The following MTIF3 variants were observed in gnomAD, a reference collection of about 807,000 sequenced individuals.
MTIF3 encodes the protein translation initiation factor IF-3, mitochondrial.
MTIF3 carries 13 observed loss-of-function variants against 20.7 expected under a neutral mutation model. That is an observed-to-expected ratio of 0.63 (90% confidence interval 0.41 to 1.00). The LOEUF (loss-of-function observed/expected upper bound fraction) is 1.00, where lower values mean the gene tolerates loss of function less well. Among genes scored for constraint, MTIF3 ranks in the 50% least tolerant of loss-of-function variants. MTIF3 has a pLI of 0.00. For missense variants in MTIF3, 295 were observed against 324.5 expected, an observed-to-expected ratio of 0.91 and a Z score of 0.70; for synonymous variants, 114 against 112.5, an observed-to-expected ratio of 1.01 and a Z score of -0.08.
chr13:27,450,414 C>T (rs1465474963), intron 1 of MTIF3, 95 bp downstream of exon 1: 2 of 152,336 alleles, frequency 1.3e-5, no homozygotes, highest in Non-Finnish European at 2.9e-5. Context: ...TAGCCCTGAC[C>T]TTCCGGGTGC....
At chr13:27,449,645 T>G (rs1016191935) in intron 1 of MTIF3, among the ~76,000 whole-genome samples, 9 of 152,252 alleles carry the variant, frequency 5.9e-5, no homozygotes, top group Admixed American at 5.9e-4. Flanking sequence ...CAGTTGACCT[T>G]TCCTTTAAAA....
Position 27,437,112 on chromosome 13 carries a change from T to C in MTIF3, c.618+4A>G. 1 of 1,613,280 alleles carries C rather than the reference T, an allele frequency of 6.2e-7. No individual in the cohort carries two copies. The highest frequency in any genetic ancestry group is 1.3e-5 in the African/African-American group (1 of 74,890). ...AAGCAGTGGCTTGTACCTTCTTTAC[T>C]TACCATTTCATTTTCTGACACGTCT... On this transcript the variant is annotated splice_donor_region_variant and intron_variant, in intron 4 of 4. Coordinates refer to ENST00000381120, the MANE Select transcript of MTIF3 (RefSeq NM_152912.5).
intron 1 of MTIF3, among the ~76,000 whole-genome samples, chr13:27,446,400 A>G (rs1405367940): frequency 6.6e-6 from 1 of 152,234 alleles, no homozygotes; most frequent in Admixed American, 6.5e-5. Context: ...TAAGAAACAA[A>G]TGCTGAAGTA....
Position 27,440,353 on chromosome 13 carries a change from T to C in MTIF3, c.96A>G (p.Thr32=), listed in dbSNP as rs1953963533. 6.2e-7 allele frequency: 1 copy of C among 1,614,254 alleles called. No individual in the cohort carries two copies. The highest frequency in any genetic ancestry group is 8.5e-7 in the Non-Finnish European group (1 of 1,180,044). ...CAATAGGGGACAACTGTGCTGGTGC[T>C]GTCTTTTGCAGGATGTGTTTACCAA... ...RCFGKHILQK[T]APAQLSPIAS... The change falls in exon 3 of 5, where the codon ACA becomes ACG. Residue 32 remains threonine, a synonymous_variant. Transcript: ENST00000381120.
chr13:27,442,086 C>A (rs1464776958), intron 2 of MTIF3, among the ~76,000 whole-genome samples: 2 of 152,204 alleles, frequency 1.3e-5, no homozygotes, highest in African/African-American at 4.8e-5. Context: ...TACCCAACCT[C>A]TCCACTTAGA....
At chr13:27,437,325 C>A in intron 3 of MTIF3, 52 bp from the exon 4 acceptor site, 1 of 1,504,076 alleles carries the variant, frequency 6.6e-7, no homozygotes, top group South Asian at 1.3e-5. Context: ...CACTGTGAAC[C>A]CTGAACTTCC....
chr13:27,436,004 T>C, intron 4 of MTIF3, 111 bp from the exon 5 acceptor site: 1 of 774,370 alleles, frequency 1.3e-6, no homozygotes, highest in Non-Finnish European at 2.1e-6. Flanking sequence ...CTGCTGTCGG[T>C]TAAGTGATTA....
In MTIF3 at chr13:27,440,333, G is replaced by A; in HGVS notation, c.116C>T (p.Pro39Leu). Residue 39 changes from proline (P) to leucine (L), a missense_variant, in exon 3 of 5, where the codon CCT becomes CTT. Transcript: ENST00000381120. Reference sequence around the variant, plus strand: ...GGAGAGTCTTGGGGCAGAAGCAATAGGGGACAACTGTGCTGGTGCTGTCTT... The same window carrying A: ...GGAGAGTCTTGGGGCAGAAGCAATAAGGGACAACTGTGCTGGTGCTGTCTT... Reference protein sequence around the residue: ...LQKTAPAQLSPIASAPRLSFL... With the variant: ...LQKTAPAQLSLIASAPRLSFL... 2 of 1,614,188 alleles carry A rather than the reference G, an allele frequency of 1.2e-6. No individual in the cohort carries two copies. Among genetic ancestry groups the A allele is most frequent in the South Asian group, 2.2e-5 (2 of 91,076 alleles).
chr13:27,441,192 A>T (rs1593193366), intron 2 of MTIF3: 1 of 152,370 alleles, frequency 6.6e-6, no homozygotes, highest in Middle Eastern at 3.4e-3. Flanking sequence ...TTCTAGGATC[A>T]ACTGTATTTC....
At chr13:27,448,572 C>T (rs1238589255) in intron 1 of MTIF3, among the ~76,000 whole-genome samples, 1 of 152,196 alleles carries the variant, frequency 6.6e-6, no homozygotes, top group Non-Finnish European at 1.5e-5. Context: ...GTGTACTCTC[C>T]ATAATGAGGC....
chr13:27,448,910 G>A (rs940394373), intron 1 of MTIF3, among the ~76,000 whole-genome samples: 1 of 152,058 alleles, frequency 6.6e-6, no homozygotes, highest in Admixed American at 6.5e-5. Context: ...GCCTGGTGGC[G>A]TGAGCCTGTA....
intron 3 of MTIF3, among the ~76,000 whole-genome samples, chr13:27,438,753 C>T (rs1048791374): frequency 6.6e-6 from 1 of 151,904 alleles, no homozygotes; most frequent in Non-Finnish European, 1.5e-5. Flanking sequence ...GCCTTGGCCT[C>T]CCAAAGTGCT....
Position 27,437,023 on chromosome 13 carries a change from T to A in MTIF3, c.618+93A>T, listed in dbSNP as rs548877031. On this transcript the variant is annotated intron_variant, in intron 4 of 4. Coordinates refer to ENST00000381120, the MANE Select transcript of MTIF3 (RefSeq NM_152912.5). ...ACCTTGGCCTCCCAAAATGCTGGGA[T>A]TACAGGCGTGAGCCACCGCGCCTGG... The A allele has an allele frequency of 3.7e-6, 5 of 1,345,008 alleles. No homozygotes were observed. The East Asian group carries it at 1.2e-4, about 31-fold the overall frequency. 83.3% of individuals were successfully genotyped at this position (1,345,008 alleles called of 1,614,324 possible). A position where few individuals can be genotyped will look rare whatever the true frequency, so the allele number is the denominator to read the frequency against.
intron 2 of MTIF3, among the ~76,000 whole-genome samples, chr13:27,444,205 C>G (rs1593197921): frequency 6.6e-6 from 1 of 152,000 alleles, no homozygotes; most frequent in Admixed American, 6.6e-5. Context: ...ACTCGGGAGG[C>G]TGAGGCAGGA....
chr13:27,437,407 A>G, intron 3 of MTIF3, 134 bp from the exon 4 acceptor site: 1 of 741,546 alleles, frequency 1.3e-6, no homozygotes, highest in Non-Finnish European at 2.1e-6. Flanking sequence ...TTCACAGACC[A>G]GTAAATGTCT....
Position 27,446,129 on chromosome 13 carries a change from T to C in MTIF3, c.-70-973A>G, listed in dbSNP as rs551614643. Among the ~76,000 whole-genome samples the C allele has an allele frequency of 1.7e-4, 26 of 152,284 alleles. 1 individual carries two copies. In the South Asian group the frequency reaches 5.4e-3, roughly 32 times the overall value. ...TGGAGTGCAGTGGGGCAATCTCGGCTCACTGCAACCTCCGCCTCCCAGGTT... is the reference window on the plus strand; with the variant it reads ...TGGAGTGCAGTGGGGCAATCTCGGCCCACTGCAACCTCCGCCTCCCAGGTT... On this transcript the variant is annotated intron_variant, in intron 1 of 4. Coordinates refer to ENST00000381120, the MANE Select transcript of MTIF3 (RefSeq NM_152912.5).
intron 2 of MTIF3, among the ~76,000 whole-genome samples, chr13:27,440,653 C>T (rs1953976300): frequency 1.3e-5 from 2 of 152,124 alleles, no homozygotes; most frequent in Non-Finnish European, 2.9e-5. Context: ...GCCAGACTAA[C>T]TCATGGTGAT....
At chr13:27,442,958 T>C (rs191432659) in intron 2 of MTIF3, among the ~76,000 whole-genome samples, 2 of 152,382 alleles carry the variant, frequency 1.3e-5, no homozygotes, top group East Asian at 1.9e-4. Context: ...TCCCCGGCAC[T>C]ACAGCTCAGA....
chr13:27,439,795 A>T (rs1173512066), intron 3 of MTIF3, among the ~76,000 whole-genome samples, 194 bp downstream of exon 3: 8 of 152,200 alleles, frequency 5.3e-5, no homozygotes, highest in African/African-American at 1.9e-4. Flanking sequence ...TATTGTGGAA[A>T]AACAGTGAAA....
Sources: gnomAD v4.1 joint callset for allele counts (sites outside exome capture counted in the v4.1 genomes callset) on GRCh38, gnomAD v4.1.1 for gene constraint, MANE v1.5 for transcripts, NCBI Gene and HGNC (gene_info 2026-07-23, HGNC 2026-07-21) for gene names.